Variants in PLXDC2 observed in about 807,000 individuals in gnomAD.
PLXDC2 encodes plexin domain containing 2.
In PLXDC2, 40 loss-of-function variants were observed where a neutral mutation model predicts 68.9. The observed-to-expected ratio is 0.58, with a 90% CI of 0.45 to 0.76. The LOEUF (loss-of-function observed/expected upper bound fraction) is 0.76, where lower values mean the gene tolerates loss of function less well. Among genes scored for constraint, PLXDC2 ranks in the 30% least tolerant of loss-of-function variants. PLXDC2 has a pLI of 0.00. For missense variants in PLXDC2, 644 were observed against 661.9 expected, an observed-to-expected ratio of 0.97 and a Z score of 0.30; for synonymous variants, 243 against 234.2, an observed-to-expected ratio of 1.04 and a Z score of -0.34.
chr10:20,234,363 A>G lies in PLXDC2; in HGVS notation c.1313-10982A>G, dbSNP rs551246495. ...TTCAAGACATACAGCTTTATATTTCAGGAGACTTGGTGCTGCGGTAGCTAA... is the reference window on the plus strand; with the variant it reads ...TTCAAGACATACAGCTTTATATTTCGGGAGACTTGGTGCTGCGGTAGCTAA... On this transcript the variant is annotated intron_variant, in intron 12 of 13. Coordinates refer to ENST00000377252, the MANE Select transcript of PLXDC2 (RefSeq NM_032812.9). 2.0e-4 allele frequency among the ~76,000 whole-genome samples: 30 copies of G among 152,322 alleles called. No individual in the cohort carries two copies. In the East Asian group the frequency reaches 5.8e-3, roughly 29 times the overall value.
intron 6 of PLXDC2, among the ~76,000 whole-genome samples, chr10:20,151,603 A>G (rs1834153634): frequency 6.6e-6 from 1 of 152,122 alleles, no homozygotes; most frequent in Non-Finnish European, 1.5e-5. Context: ...ACAATTCACA[A>G]ATCTATGTCT....
Position 20,245,361 on chromosome 10 carries a change from T to G in PLXDC2, c.1329T>G (p.Ser443Arg), listed in dbSNP as rs979996917. The change falls in exon 13 of 14, where the codon AGT becomes AGG. Residue 443 changes from serine (S) to arginine (R), a missense_variant. This residue lies in a region of PLXDC2 where 330 missense variants were observed against 327.9 expected (regional missense o/e 1.01). Coordinates refer to ENST00000377252, the MANE Select transcript of PLXDC2 (RefSeq NM_032812.9). Reference sequence around the variant, plus strand: ...TTCTTTCAGCTTCTACAGATGACAGTGCAGCTGAGAAGAAAGGGGGAACCC... The same window carrying G: ...TTCTTTCAGCTTCTACAGATGACAGGGCAGCTGAGAAGAAAGGGGGAACCC... ...LKDNGASTDDSAAEKKGGTLH... is the reference protein window; with the variant it reads ...LKDNGASTDDRAAEKKGGTLH... The G allele has an allele frequency of 6.2e-7, 1 of 1,612,858 alleles. No homozygotes were observed. Among genetic ancestry groups the G allele is most frequent in the African/African-American group, 1.3e-5 (1 of 74,962 alleles).
chr10:20,193,789 GT>G (rs1319905126), intron 9 of PLXDC2, among the ~76,000 whole-genome samples: 2 of 151,898 alleles, frequency 1.3e-5, no homozygotes, highest in Non-Finnish European at 2.9e-5. Context: ...CTTAAAATTC[GT>G]TTTTTTGTGC....
chr10:20,269,402 A>G (rs1207050300), intron 13 of PLXDC2, among the ~76,000 whole-genome samples: 2 of 152,076 alleles, frequency 1.3e-5, no homozygotes, highest in African/African-American at 4.8e-5. Context: ...GTCAAATGCT[A>G]TAAAATACTT....
chr10:20,207,407 G>T (rs755940199), intron 9 of PLXDC2, among the ~76,000 whole-genome samples: 28 of 152,056 alleles, frequency 1.8e-4, no homozygotes, highest in Admixed American at 3.9e-4. Flanking sequence ...TTAAGATTTG[G>T]CACCGTCTTG....
chr10:20,262,336 T>C (rs1835818090), intron 13 of PLXDC2, among the ~76,000 whole-genome samples: 1 of 152,252 alleles, frequency 6.6e-6, no homozygotes, highest in South Asian at 2.1e-4. Context: ...TTTTAATTTT[T>C]GCTTTTGTTA....
intron 1 of PLXDC2, among the ~76,000 whole-genome samples, chr10:19,841,537 G>GTTT (rs34818991): frequency 7.9e-6 from 1 of 127,158 alleles, no homozygotes; most frequent in African/African-American, 3.0e-5. Context: ...GTGTTTCAGG[G>GTTT]TTTTTTTTTT....
chr10:19,976,942 G>T (rs1342752431), intron 1 of PLXDC2, among the ~76,000 whole-genome samples: 1 of 149,758 alleles, frequency 6.7e-6, no homozygotes, highest in Non-Finnish European at 1.5e-5. Context: ...ATTTCTAGGA[G>T]TTATTTCCTC....
intron 9 of PLXDC2, among the ~76,000 whole-genome samples, chr10:20,200,894 G>A (rs967151131): frequency 8.5e-5 from 13 of 152,076 alleles, no homozygotes; most frequent in African/African-American, 3.1e-4. Flanking sequence ...TGCTGACAAG[G>A]ACATGGAGAA....
At chr10:19,974,419 C>T (rs1333356173) in intron 1 of PLXDC2, among the ~76,000 whole-genome samples, 1 of 152,184 alleles carries the variant, frequency 6.6e-6, no homozygotes, top group Non-Finnish European at 1.5e-5. Flanking sequence ...GCAACATTAA[C>T]ATGGAAATAT....
At chr10:20,018,349 C>T (rs572227195) in intron 2 of PLXDC2, among the ~76,000 whole-genome samples, 94 of 152,194 alleles carry the variant, frequency 6.2e-4, no homozygotes, top group African/African-American at 2.1e-3. Flanking sequence ...ATATATATTC[C>T]AGACTTCTTC....
intron 11 of PLXDC2, among the ~76,000 whole-genome samples, chr10:20,218,556 A>G (rs1741100292): frequency 2.6e-5 from 4 of 152,086 alleles, no homozygotes; most frequent in Non-Finnish European, 4.4e-5. Context: ...AGCATATCCT[A>G]CATTTTGTTC....
chr10:20,162,909 CAAAAAA>C (rs71390763), intron 6 of PLXDC2, among the ~76,000 whole-genome samples: 2,988 of 98,056 alleles, frequency 0.03, 47 homozygotes, highest in Non-Finnish European at 0.042. Flanking sequence ...ACTAAAAATA[CAAAAAA>C]AAAAAAAAAA....
intron 1 of PLXDC2, among the ~76,000 whole-genome samples, chr10:19,932,510 G>T (rs1833655283): frequency 6.6e-6 from 1 of 152,034 alleles, no homozygotes; most frequent in South Asian, 2.1e-4. Flanking sequence ...ATGTTTATTT[G>T]TTTCACACAC....
rs202190609 is a variant in PLXDC2, at chr10:19,821,917, T to TA, written c.112+4734dup. 6.6e-5 allele frequency among the ~76,000 whole-genome samples: 10 copies of TA among 152,170 alleles called. No homozygotes were observed. In the East Asian group the frequency reaches 7.7e-4, roughly 12 times the overall value. The stretch of plus-strand genomic sequence containing the variant: ...ATCTTTTTTCTTTTATACATTCCTT[T>TA]AAAAAAAATTCTTTGTTTTCATTTT... On this transcript the variant is annotated intron_variant, in intron 1 of 13. Coordinates refer to ENST00000377252, the MANE Select transcript of PLXDC2 (RefSeq NM_032812.9).
chr10:20,016,704 A>G (rs1835218972), intron 2 of PLXDC2, among the ~76,000 whole-genome samples: 2 of 152,196 alleles, frequency 1.3e-5, no homozygotes, highest in African/African-American at 2.4e-5. Context: ...ATAGTCCTCA[A>G]TAACCTATGC....
chr10:20,168,099 G>C (rs553236852), intron 7 of PLXDC2, among the ~76,000 whole-genome samples: 5 of 152,156 alleles, frequency 3.3e-5, no homozygotes, highest in Admixed American at 3.3e-4. Context: ...AAATCCTTCT[G>C]AGTTTACAAG....
intron 4 of PLXDC2, among the ~76,000 whole-genome samples, chr10:20,072,513 A>AAGAG (rs1836346302): frequency 2.1e-5 from 2 of 97,512 alleles, no homozygotes; most frequent in Non-Finnish European, 3.5e-5. Flanking sequence ...GAAAGAAAGA[A>AAGAG]AGAAAGAAAG....
intron 1 of PLXDC2, among the ~76,000 whole-genome samples, chr10:19,846,907 A>G (rs1235495249): frequency 6.6e-6 from 1 of 152,198 alleles, no homozygotes. Context: ...TGTCACAATC[A>G]TGGCAGAAGG....
Sources: allele counts gnomAD v4.1 joint callset (sites outside exome capture counted in the v4.1 genomes callset), GRCh38; gene constraint gnomAD v4.1.1; regional missense constraint gnomAD v4.1.1; transcripts MANE v1.5; gene names NCBI Gene and HGNC (gene_info 2026-07-23, HGNC 2026-07-21).